Variants in MARCHF1 observed in about 807,000 individuals in gnomAD.
MARCHF1 encodes the protein membrane associated ring-CH-type finger 1.
A neutral mutation model predicts 54.2 loss-of-function variants in MARCHF1; 40 were observed. That is an observed-to-expected ratio of 0.74 (90% CI 0.57 to 0.96). MARCHF1 has a LOEUF of 0.96. Among genes scored for constraint, MARCHF1 ranks in the 40% least tolerant of loss-of-function variants. MARCHF1 has a pLI of 0.00. For synonymous variants in MARCHF1, 236 were observed against 236.3 expected, an observed-to-expected ratio of 1.00 and a Z score of 0.01; for missense variants, 586 against 656.5, an observed-to-expected ratio of 0.89 and a Z score of 1.17.
At chr4:163,755,803 G>A (rs966980717) in intron 4 of MARCHF1, among the ~76,000 whole-genome samples, 7 of 152,104 alleles carry the variant, frequency 4.6e-5, no homozygotes, top group Admixed American at 2.0e-4. Context: ...AATAACACTG[G>A]TGCTAAATGA....
chr4:163,748,801 C>A (rs953522042), intron 4 of MARCHF1, among the ~76,000 whole-genome samples: 2 of 152,164 alleles, frequency 1.3e-5, no homozygotes, highest in Non-Finnish European at 2.9e-5. Context: ...GTGGCACAGC[C>A]CCCCCGCCCA....
At chr4:164,142,398 A>G (rs1413949200) in intron 1 of MARCHF1, among the ~76,000 whole-genome samples, 1 of 152,104 alleles carries the variant, frequency 6.6e-6, no homozygotes, top group Non-Finnish European at 1.5e-5. Context: ...GACAGCAGTA[A>G]CCTCTGCAGA....
intron 1 of MARCHF1, among the ~76,000 whole-genome samples, chr4:164,369,021 C>T (rs1430836982): frequency 1.3e-5 from 2 of 152,142 alleles, no homozygotes; most frequent in African/African-American, 4.8e-5. Flanking sequence ...AGTCTCACTC[C>T]TTCCATCCAG....
At chr4:163,540,596 C>T (rs1055502752) in intron 9 of MARCHF1, among the ~76,000 whole-genome samples, 3 of 152,160 alleles carry the variant, frequency 2.0e-5, no homozygotes, top group African/African-American at 7.2e-5. Flanking sequence ...ATGTTTCAAT[C>T]TATTTGATGC....
chr4:164,079,357 T>C (rs1204268674), intron 2 of MARCHF1, among the ~76,000 whole-genome samples: 1 of 152,126 alleles, frequency 6.6e-6, no homozygotes, highest in Non-Finnish European at 1.5e-5. Flanking sequence ...AAAATGGAAA[T>C]GGAAATCAGA....
intron 3 of MARCHF1, among the ~76,000 whole-genome samples, chr4:163,944,204 G>C (rs977692599): frequency 6.9e-6 from 1 of 145,594 alleles, no homozygotes. Context: ...GGATGGTCTC[G>C]ATCTCCTGAC....
intron 4 of MARCHF1, among the ~76,000 whole-genome samples, chr4:163,818,967 A>G (rs992800144): frequency 2.0e-5 from 3 of 152,078 alleles, no homozygotes; most frequent in Admixed American, 6.6e-5. Context: ...CACCAGGCTC[A>G]CGGTCTTCTT....
chr4:163,877,292 C>T (rs1356189348), intron 3 of MARCHF1, among the ~76,000 whole-genome samples: 1 of 152,100 alleles, frequency 6.6e-6, no homozygotes, highest in African/African-American at 2.4e-5. Flanking sequence ...CACCATTTAT[C>T]TTTTTCTTTG....
intron 4 of MARCHF1, among the ~76,000 whole-genome samples, chr4:163,785,213 C>A (rs372143308): frequency 1.2e-4 from 19 of 152,048 alleles, no homozygotes; most frequent in Non-Finnish European, 1.0e-4. Context: ...AATTTAAGTA[C>A]TCCAATTTGA....
intron 4 of MARCHF1, among the ~76,000 whole-genome samples, chr4:163,831,492 G>A (rs1240695419): frequency 6.6e-6 from 1 of 152,198 alleles, no homozygotes; most frequent in African/African-American, 2.4e-5. Flanking sequence ...TCGGGAGTCT[G>A]AGGTGGGGGG....
intron 8 of MARCHF1, among the ~76,000 whole-genome samples, chr4:163,573,554 T>C (rs1739920432): frequency 6.8e-6 from 1 of 147,240 alleles, no homozygotes; most frequent in Non-Finnish European, 1.5e-5. Flanking sequence ...TGAGTGAGAA[T>C]ACGCGGTGTT....
At chr4:163,971,755 T>C (rs1202067045) in intron 3 of MARCHF1, among the ~76,000 whole-genome samples, 8 of 152,180 alleles carry the variant, frequency 5.3e-5, no homozygotes, top group Non-Finnish European at 1.2e-4. Flanking sequence ...TATGTCTCCA[T>C]GGTAAGATAT....
chr4:164,128,808 C>T (rs1206067888), intron 1 of MARCHF1, among the ~76,000 whole-genome samples: 1 of 152,134 alleles, frequency 6.6e-6, no homozygotes, highest in African/African-American at 2.4e-5. Flanking sequence ...GTGGTCTTCT[C>T]ATTCTACTGG....
At chr4:164,353,942 T>C (rs1730432370) in intron 1 of MARCHF1, among the ~76,000 whole-genome samples, 1 of 104,092 alleles carries the variant, frequency 9.6e-6, no homozygotes, top group Non-Finnish European at 2.0e-5. Context: ...TCACCACTGA[T>C]CCCACAGAAA....
chr4:164,297,096 T>C (rs1734431928), intron 1 of MARCHF1, among the ~76,000 whole-genome samples: 1 of 152,218 alleles, frequency 6.6e-6, no homozygotes. Flanking sequence ...AAATGATTGA[T>C]ATATCATGTT....
chr4:164,345,920 C>A (rs1040330224), intron 1 of MARCHF1, among the ~76,000 whole-genome samples: 1 of 152,042 alleles, frequency 6.6e-6, no homozygotes, highest in African/African-American at 2.4e-5. Flanking sequence ...TACTAAAGCC[C>A]ATTTTAATGA....
chr4:164,179,724 C>A (rs943208986), intron 1 of MARCHF1, among the ~76,000 whole-genome samples: 1 of 151,760 alleles, frequency 6.6e-6, no homozygotes, highest in Non-Finnish European at 1.5e-5. Flanking sequence ...ATTAATATGT[C>A]TTCTCATTTG....
At chr4:163,876,451 C>T (rs1178743556) in intron 3 of MARCHF1, among the ~76,000 whole-genome samples, 1 of 152,156 alleles carries the variant, frequency 6.6e-6, no homozygotes, top group African/African-American at 2.4e-5. Flanking sequence ...CCTCCAACTA[C>T]TTCCACTACT....
At chr4:163,731,191 T>C (rs1745818288) in intron 4 of MARCHF1, among the ~76,000 whole-genome samples, 1 of 152,208 alleles carries the variant, frequency 6.6e-6, no homozygotes, top group Non-Finnish European at 1.5e-5. Flanking sequence ...TCATAGTAGC[T>C]GGAATCATTT....
Sources: gnomAD v4.1 joint callset for allele counts (sites outside exome capture counted in the v4.1 genomes callset) on GRCh38, gnomAD v4.1.1 for gene constraint, MANE v1.5 for transcripts, NCBI Gene and HGNC (gene_info 2026-07-23, HGNC 2026-07-21) for gene names.